The following PNKD variants were observed in gnomAD, a reference collection of about 807,000 sequenced individuals.
PNKD encodes probable thioesterase PNKD.
In PNKD, 36 loss-of-function variants were observed where a neutral mutation model predicts 45.3. The observed-to-expected ratio is 0.80, with a 90% CI of 0.61 to 1.05. The LOEUF is 1.05. PNKD is among the 50% of genes least tolerant of loss of function. The probability of loss-of-function intolerance (pLI) is 0.00; values close to 1 mark genes in which losing one functional copy is unlikely to be tolerated. For synonymous variants in PNKD, 197 were observed against 210.1 expected (o/e 0.94, Z 0.54); for missense variants, 511 against 506.6 (o/e 1.01, Z -0.08).
At position 218,270,527 on chromosome 2, in the gene PNKD, G is replaced by GATCTGAACATGGCGGCGGTGGT. The variant is rs1690786140; in HGVS notation, c.-7_15dup. 8.1e-7 allele frequency: 1 copy of GATCTGAACATGGCGGCGGTGGT among 1,229,334 alleles called. No homozygotes were observed. Among genetic ancestry groups the GATCTGAACATGGCGGCGGTGGT allele is most frequent in the African/African-American group, 1.6e-5 (1 of 64,044 alleles). 76.2% of individuals were successfully genotyped at this position (1,229,334 alleles called of 1,614,324 possible). ...GGGGAGCGCGGTGAAGCGGGGGTGG[G>GATCTGAACATGGCGGCGGTGGT]ATCTGAACATGGCGGCGGTGGTAGC... On this transcript the variant is annotated 5_prime_UTR_variant, in exon 1 of 10. It adds an upstream start codon to the 5' untranslated region. Transcript: ENST00000273077.
At chr2:218,278,677 G>A in intron 2 of PNKD, 1 of 1,174,174 alleles carries the variant, frequency 8.5e-7, no homozygotes, top group Non-Finnish European at 1.3e-6. Context: ...CTGAGGGGAA[G>A]CAACTCAACA....
At chr2:218,297,808 G>A (rs1693181667) in intron 2 of PNKD, among the ~76,000 whole-genome samples, 1 of 151,524 alleles carries the variant, frequency 6.6e-6, no homozygotes, top group Admixed American at 6.6e-5. Flanking sequence ...GACCATCCTG[G>A]CTAACATAGT....
chr2:218,294,481 A>T (rs1574671815), intron 2 of PNKD, among the ~76,000 whole-genome samples: 1 of 152,088 alleles, frequency 6.6e-6, no homozygotes, highest in African/African-American at 2.4e-5. Flanking sequence ...ACAAACAGAC[A>T]CCGCCCCCCC....
Position 218,339,754 on chromosome 2 carries a change from T to A in PNKD, c.237-29T>A, listed in dbSNP as rs1212415677. The A allele has an allele frequency of 2.1e-6, 3 of 1,424,222 alleles. No individual in the cohort carries two copies. The South Asian group carries it at 3.5e-5, about 16-fold the overall frequency. 88.2% of individuals were successfully genotyped at this position (1,424,222 alleles called of 1,614,324 possible). A position where few individuals can be genotyped will look rare whatever the true frequency, so the allele number is the denominator to read the frequency against. Reference sequence around the variant, plus strand: ...TCTAGGGGAGCTAGGGAGAAAAGGCTAATCATAGGCCACCCACTCGCCCTC... The same window carrying A: ...TCTAGGGGAGCTAGGGAGAAAAGGCAAATCATAGGCCACCCACTCGCCCTC... On this transcript the variant is annotated intron_variant, in intron 2 of 9. Transcript: ENST00000273077.
At chr2:218,281,135 T>TTTTTGTTTTGGTTTG (rs796297146) in intron 2 of PNKD, 1 of 130,722 alleles carries the variant, frequency 7.6e-6, no homozygotes, top group African/African-American at 2.6e-5. Flanking sequence ...TTTTGTTTTT[T>TTTTTGTTTTGGTTTG]TTTTGGTTTT....
chr2:218,272,764 G>A (rs1206454282), intron 2 of PNKD: 4 of 1,614,018 alleles, frequency 2.5e-6, no homozygotes, highest in Admixed American at 3.3e-5. Flanking sequence ...CAGACCTGAG[G>A]AGCGCTGCGA....
intron 2 of PNKD, chr2:218,277,289 A>G (rs1691315454): frequency 3.7e-6 from 5 of 1,347,162 alleles, no homozygotes; most frequent in African/African-American, 1.4e-5. Context: ...TCTAGGGAAC[A>G]TCCCTAGTGT....
intron 2 of PNKD, chr2:218,272,561 C>G (rs1262989966): frequency 6.2e-7 from 1 of 1,613,564 alleles, no homozygotes; most frequent in South Asian, 1.1e-5. Flanking sequence ...CACATCTCCC[C>G]ACCCGTAGGG....
rs1212094891 is a variant in PNKD, at chr2:218,283,645, CGT to C, written c.236+12097_236+12098del. 3.3e-5 allele frequency among the ~76,000 whole-genome samples: 5 copies of C among 152,304 alleles called. No individual in the cohort carries two copies. In the East Asian group the frequency reaches 9.7e-4, roughly 29 times the overall value. ...CTCTGCTGGAAGCAAGAGAGACCAG[CGT>C]CTCTTTTTAGGGCACATTGCATAGT... is the stretch of plus-strand genomic sequence containing the variant. On this transcript the variant is annotated intron_variant, in intron 2 of 9. Coordinates refer to ENST00000273077, the MANE Select transcript of PNKD (RefSeq NM_015488.5).
At chr2:218,290,155 A>G (rs1692839201) in intron 2 of PNKD, 1 of 152,238 alleles carries the variant, frequency 6.6e-6, no homozygotes, top group Non-Finnish European at 1.5e-5. Flanking sequence ...ACGTTAATGA[A>G]TGAGTGCTGG....
intron 2 of PNKD, among the ~76,000 whole-genome samples, chr2:218,273,191 G>T (rs1690921337): frequency 6.6e-6 from 1 of 152,212 alleles, no homozygotes; most frequent in South Asian, 2.1e-4. Flanking sequence ...TATTCAGGGT[G>T]TGGAGGCAAA....
intron 2 of PNKD, among the ~76,000 whole-genome samples, chr2:218,334,101 C>A (rs1456233661): frequency 6.6e-6 from 1 of 151,384 alleles, no homozygotes; most frequent in Non-Finnish European, 1.5e-5. Context: ...GATGACAGAG[C>A]AAGTCTCAGT....
intron 2 of PNKD, chr2:218,277,864 C>T (rs1327857227): frequency 3.7e-6 from 6 of 1,602,428 alleles, no homozygotes; most frequent in East Asian, 4.5e-5. Context: ...TGAAATGGGT[C>T]CCCATCCCTT....
chr2:218,272,473 C>A, intron 2 of PNKD: 2 of 1,112,588 alleles, frequency 1.8e-6, no homozygotes, highest in Non-Finnish European at 2.7e-6. Flanking sequence ...GGTATTGCAG[C>A]ATTCATGCAA....
chr2:218,273,647 ATTT>A (rs10607945), intron 2 of PNKD, among the ~76,000 whole-genome samples: 45 of 143,488 alleles, frequency 3.1e-4, no homozygotes, highest in East Asian at 6.1e-4. Context: ...CTCCCAGTTA[ATTT>A]TTTTTTTTTT....
chr2:218,333,695 G>A (rs1694395507), intron 2 of PNKD, among the ~76,000 whole-genome samples: 1 of 152,148 alleles, frequency 6.6e-6, no homozygotes, highest in Non-Finnish European at 1.5e-5. Flanking sequence ...TCTTTCTGTT[G>A]CCAGAGCCTC....
intron 2 of PNKD, chr2:218,281,122 G>GTTTTTTT (rs1559504614): frequency 9.0e-5 from 1 of 11,062 alleles, no homozygotes; most frequent in East Asian, 3.7e-3. Flanking sequence ...GTTTTGTTTT[G>GTTTTTTT]TTTTTTGTTT....
At chr2:218,328,921 C>A (rs1180017478) in intron 2 of PNKD, among the ~76,000 whole-genome samples, 4 of 152,092 alleles carry the variant, frequency 2.6e-5, no homozygotes, top group Admixed American at 1.3e-4. Context: ...CCTAAGGGGC[C>A]TTGGGGCCGG....
chr2:218,296,527 C>T (rs1183247349), intron 2 of PNKD, among the ~76,000 whole-genome samples: 2 of 152,156 alleles, frequency 1.3e-5, no homozygotes, highest in Non-Finnish European at 2.9e-5. Flanking sequence ...TCTGTTGCCA[C>T]CCTCCAGCCC....
Sources: allele counts gnomAD v4.1 joint callset (sites outside exome capture counted in the v4.1 genomes callset), GRCh38; gene constraint gnomAD v4.1.1; transcripts MANE v1.5; gene names NCBI Gene and HGNC (gene_info 2026-07-23, HGNC 2026-07-21).